The following CSMD1 variants were observed in gnomAD, a reference collection of about 807,000 sequenced individuals.
CSMD1 encodes CUB and Sushi multiple domains 1.
In CSMD1, 213 loss-of-function variants were observed where a neutral mutation model predicts 417.5. The observed-to-expected ratio is 0.51, with a 90% confidence interval of 0.46 to 0.57. CSMD1 has a LOEUF of 0.57. Ranked by LOEUF, CSMD1 falls within the 20% of genes least tolerant of loss-of-function variation. The pLI is 0.00. For synonymous variants in CSMD1, 2,862 were observed against 1,736.8 expected (o/e 1.65, Z -16.11); for missense variants, 6,923 against 4,529.7 (o/e 1.53, Z -15.17).
At chr8:4,823,925 G>A (rs1799661439) in intron 1 of CSMD1, among the ~76,000 whole-genome samples, 2 of 151,890 alleles carry the variant, frequency 1.3e-5, no homozygotes, top group African/African-American at 2.4e-5. Flanking sequence ...AGAGGAAAGA[G>A]CATTCTAACC....
intron 3 of CSMD1, among the ~76,000 whole-genome samples, chr8:4,280,899 G>T (rs538067440): frequency 1.6e-4 from 24 of 152,204 alleles, no homozygotes; most frequent in African/African-American, 5.3e-4. Context: ...GTAATTAGTT[G>T]TCATGGAAGT....
chr8:3,764,683 G>C (rs936542011), intron 5 of CSMD1, among the ~76,000 whole-genome samples: 15 of 151,776 alleles, frequency 9.9e-5, no homozygotes, highest in Admixed American at 7.9e-4. Context: ...ATCTAGAGCA[G>C]TAATCACCTG....
chr8:3,702,945 G>C (rs1342796913), intron 7 of CSMD1, among the ~76,000 whole-genome samples: 2 of 152,192 alleles, frequency 1.3e-5, no homozygotes, highest in African/African-American at 2.4e-5. Flanking sequence ...TGGGGGATGG[G>C]TGCTTGCTCA....
At chr8:2,961,070 C>T in intron 62 of CSMD1, 71 bp downstream of exon 62, 3 of 1,036,990 alleles carry the variant, frequency 2.9e-6, no homozygotes, top group Non-Finnish European at 2.7e-6. Context: ...AAAAAGCACT[C>T]ACATATGTTT....
chr8:3,761,012 T>C (rs919302263), intron 5 of CSMD1, among the ~76,000 whole-genome samples: 1 of 152,144 alleles, frequency 6.6e-6, no homozygotes, highest in Admixed American at 6.6e-5. Context: ...TGTACTGTGG[T>C]GTTTCATTAT....
At position 4,646,320 on chromosome 8, in the gene CSMD1, G is replaced by C. The variant is rs1803512050; in HGVS notation, c.86-8762C>G. On this transcript the variant is annotated intron_variant, in intron 1 of 69. Coordinates refer to ENST00000635120, the MANE Select transcript of CSMD1 (RefSeq NM_033225.6). Reference sequence around the variant, plus strand: ...ATTCCCAGTGATGACACTTCATCTTGGGTCAGTAGGATTGAGTTGTTCCCT... The same window carrying C: ...ATTCCCAGTGATGACACTTCATCTTCGGTCAGTAGGATTGAGTTGTTCCCT... Among the ~76,000 whole-genome samples the C allele has an allele frequency of 2.6e-5, 4 of 152,194 alleles. No homozygotes were observed. The South Asian group carries it at 8.3e-4, about 32-fold the overall frequency.
intron 8 of CSMD1, among the ~76,000 whole-genome samples, chr8:3,614,236 C>A (rs951520511): frequency 4.6e-5 from 7 of 152,140 alleles, no homozygotes; most frequent in African/African-American, 1.7e-4. Context: ...TCCCAAAAAA[C>A]TAGGAAAGTG....
intron 1 of CSMD1, among the ~76,000 whole-genome samples, chr8:4,825,023 G>C (rs1262053373): frequency 6.6e-6 from 1 of 152,008 alleles, no homozygotes; most frequent in African/African-American, 2.4e-5. Context: ...ATGACACTTA[G>C]GTTTTTATCC....
At chr8:4,015,205 CGTG>C (rs1796463565) in intron 4 of CSMD1, among the ~76,000 whole-genome samples, 2 of 152,108 alleles carry the variant, frequency 1.3e-5, no homozygotes, top group Non-Finnish European at 2.9e-5. Flanking sequence ...CTTGTCCTGA[CGTG>C]ACAGATCATT....
At chr8:3,610,226 A>T (rs1188118794) in intron 8 of CSMD1, among the ~76,000 whole-genome samples, 5 of 152,170 alleles carry the variant, frequency 3.3e-5, no homozygotes, top group Non-Finnish European at 7.3e-5. Flanking sequence ...ATGGAACATA[A>T]ATAGTAGATA....
chr8:3,283,331 G>A (rs964926432), intron 26 of CSMD1, among the ~76,000 whole-genome samples: 1 of 152,122 alleles, frequency 6.6e-6, no homozygotes, highest in South Asian at 2.1e-4. Flanking sequence ...AATCGGGGCT[G>A]GGTTAGGGGA....
In CSMD1 at chr8:4,424,486, A is replaced by G. The variant is rs114231746; in HGVS notation, c.303-4421T>C. ...AGGAATGCAAATTAAAACCACAGAG[A>G]AATACCGCACATGATATTTCAGCCA... On this transcript the variant is annotated intron_variant, in intron 2 of 69. Transcript: ENST00000635120. Among the ~76,000 whole-genome samples the G allele has an allele frequency of 3.9e-3, 592 of 152,140 alleles. 4 individuals are homozygous for G. Among genetic ancestry groups the G allele is most frequent in the African/African-American group, 0.013 (559 of 41,542 alleles).
chr8:4,849,673 T>G (rs1801353421), intron 1 of CSMD1, among the ~76,000 whole-genome samples: 1 of 152,194 alleles, frequency 6.6e-6, no homozygotes, highest in Non-Finnish European at 1.5e-5. Context: ...GTCCATATTA[T>G]TTAGTGCAGT....
intron 2 of CSMD1, among the ~76,000 whole-genome samples, chr8:4,554,135 C>A (rs1262391620): frequency 1.3e-5 from 2 of 152,030 alleles, no homozygotes; most frequent in African/African-American, 2.4e-5. Flanking sequence ...TGGAAACAAT[C>A]GCGATTTATT....
At chr8:4,302,184 G>T (rs752673254) in intron 3 of CSMD1, among the ~76,000 whole-genome samples, 6 of 152,040 alleles carry the variant, frequency 3.9e-5, no homozygotes, top group Non-Finnish European at 5.9e-5. Context: ...GAACTTGAGG[G>T]GTACCTAATA....
At chr8:3,650,643 G>C (rs17397435) in intron 7 of CSMD1, among the ~76,000 whole-genome samples, 7,465 of 152,260 alleles carry the variant, frequency 0.049, 247 homozygotes, top group Middle Eastern at 0.088. Flanking sequence ...ATATTTAAGA[G>C]AACACTACCA....
At chr8:3,069,636 A>C (rs754138829) in intron 49 of CSMD1, among the ~76,000 whole-genome samples, 2 of 152,136 alleles carry the variant, frequency 1.3e-5, no homozygotes, top group Non-Finnish European at 2.9e-5. Context: ...GCAGCCCCCA[A>C]GGCTGATCTC....
chr8:4,475,666 G>A (rs907288589), intron 2 of CSMD1, among the ~76,000 whole-genome samples: 1 of 122,322 alleles, frequency 8.2e-6, no homozygotes, highest in East Asian at 2.4e-4. Flanking sequence ...ACCCAGGCTG[G>A]AGTGCAGTGG....
At chr8:3,718,977 A>C (rs1242158120) in intron 6 of CSMD1, among the ~76,000 whole-genome samples, 2 of 152,122 alleles carry the variant, frequency 1.3e-5, no homozygotes, top group African/African-American at 2.4e-5. Context: ...AAGAAAGCGC[A>C]AAGGGGGAGG....
Sources: gnomAD v4.1 joint callset for allele counts (sites outside exome capture counted in the v4.1 genomes callset) on GRCh38, gnomAD v4.1.1 for gene constraint, MANE v1.5 for transcripts, NCBI Gene and HGNC (gene_info 2026-07-23, HGNC 2026-07-21) for gene names.